PCLO: variants seen among roughly 807,000 people sequenced by gnomAD.
PCLO encodes piccolo presynaptic cytomatrix protein, also known as protein piccolo.
Under a neutral mutation model 427.5 loss-of-function variants are expected in PCLO, and 82 were observed. That is an observed-to-expected ratio of 0.19 (90% CI 0.16 to 0.23). PCLO has a LOEUF of 0.23. Ranked by LOEUF, PCLO falls within the 10% of genes least tolerant of loss-of-function variation. PCLO has a pLI of 1.00. For missense variants in PCLO, 6,239 were observed against 6,115.9 expected, an observed-to-expected ratio of 1.02 and a Z score of -0.67; for synonymous variants, 2,357 against 2,155.4, an observed-to-expected ratio of 1.09 and a Z score of -2.59.
At chr7:82,821,954 T>G in intron 20 of PCLO, 7 of 985,836 alleles carry the variant, frequency 7.1e-6, no homozygotes, top group Non-Finnish European at 8.4e-6. Context: ...GTTAGTGTTT[T>G]AAAGCACTGT....
intron 10 of PCLO, among the ~76,000 whole-genome samples, chr7:82,858,762 G>A (rs1014598047): frequency 6.6e-6 from 1 of 151,924 alleles, no homozygotes; most frequent in Non-Finnish European, 1.5e-5. Context: ...TAGCCAAGAA[G>A]GTGAAAAATC....
At chr7:83,007,667 G>T (rs1415990742) in intron 3 of PCLO, among the ~76,000 whole-genome samples, 1 of 151,508 alleles carries the variant, frequency 6.6e-6, no homozygotes, top group Non-Finnish European at 1.5e-5. Context: ...AGGACATTTA[G>T]GGTAGAATGT....
At chr7:82,993,915 T>C (rs144765764) in intron 3 of PCLO, among the ~76,000 whole-genome samples, 96 of 152,176 alleles carry the variant, frequency 6.3e-4, no homozygotes, top group Non-Finnish European at 1.3e-3. Context: ...ATGAGACTTC[T>C]AACACTATTT....
intron 10 of PCLO, among the ~76,000 whole-genome samples, chr7:82,877,597 T>C (rs1391665903): frequency 6.6e-6 from 1 of 152,178 alleles, no homozygotes; most frequent in Non-Finnish European, 1.5e-5. Context: ...TTTCCTTTCA[T>C]TGAGCTATCT....
intron 3 of PCLO, among the ~76,000 whole-genome samples, chr7:82,980,965 T>G (rs1013880699): frequency 6.6e-6 from 1 of 151,996 alleles, no homozygotes; most frequent in Non-Finnish European, 1.5e-5. Flanking sequence ...ACATAGAAAT[T>G]AAAAAGTAAT....
intron 3 of PCLO, among the ~76,000 whole-genome samples, chr7:83,066,137 T>C (rs929370816): frequency 6.6e-6 from 1 of 152,128 alleles, no homozygotes; most frequent in Non-Finnish European, 1.5e-5. Flanking sequence ...TGCTTTTCTA[T>C]GAAAAGTTAT....
chr7:82,841,444 TA>T lies in PCLO; in HGVS notation c.14097+14del. 2 of 1,578,152 alleles carry T rather than the reference TA, an allele frequency of 1.3e-6. No individual in the cohort carries two copies. Among genetic ancestry groups the T allele is most frequent in the South Asian group, 1.1e-5 (1 of 89,982 alleles). On this transcript the variant is annotated intron_variant, in intron 14 of 24. Transcript: ENST00000333891. ...AAAAGGTTATATAATGGCGACTTTT[TA>T]AAAAACTTCATACCTGAATTTCTCC...
intron 22 of PCLO, among the ~76,000 whole-genome samples, chr7:82,780,423 T>C (rs1180982119): frequency 6.6e-6 from 1 of 152,240 alleles, no homozygotes; most frequent in Non-Finnish European, 1.5e-5. Context: ...TCTTCTGGAT[T>C]GATTGAAGAT....
intron 3 of PCLO, among the ~76,000 whole-genome samples, chr7:83,131,958 T>C (rs1300001994): frequency 6.6e-6 from 1 of 152,160 alleles, no homozygotes; most frequent in East Asian, 1.9e-4. Context: ...TGTTTATATA[T>C]GTATATGTGT....
rs1301761099 is a variant in PCLO, at chr7:82,827,898, A to G, written c.14318T>C (p.Ile4773Thr). 6.3e-7 allele frequency: 1 copy of G among 1,591,568 alleles called. No individual in the cohort carries two copies. The highest frequency in any genetic ancestry group is 8.6e-7 in the Non-Finnish European group (1 of 1,161,172). ...CTGTTCCATGGAAATACTTTTATAAATTACTGTTTGATTCCACTCAGGATT... is the reference window on the plus strand; with the variant it reads ...CTGTTCCATGGAAATACTTTTATAAGTTACTGTTTGATTCCACTCAGGATT... ...SLNPEWNQTV[I>T]YKSISMEQLK... Residue 4773 changes from isoleucine to threonine, a missense_variant, in exon 17 of 25, where the codon ATT becomes ACT. Ile to Thr is a moderately conservative substitution (Grantham distance 89). This residue lies in a region of PCLO where 877 missense variants were observed against 925.5 expected (regional missense o/e 0.95). Coordinates refer to ENST00000333891, the MANE Select transcript of PCLO (RefSeq NM_033026.6).
At chr7:83,019,745 G>T (rs954587362) in intron 3 of PCLO, among the ~76,000 whole-genome samples, 2 of 152,036 alleles carry the variant, frequency 1.3e-5, no homozygotes, top group Admixed American at 6.6e-5. Context: ...TTATCTCTAT[G>T]AAGCACTGTG....
intron 3 of PCLO, among the ~76,000 whole-genome samples, chr7:82,982,938 TAA>T (rs1796177392): frequency 6.6e-6 from 1 of 151,682 alleles, no homozygotes; most frequent in African/African-American, 2.4e-5. Flanking sequence ...TTATTTTATA[TAA>T]AGTTTTTATC....
At chr7:82,798,983 A>G (rs1488216353) in intron 22 of PCLO, among the ~76,000 whole-genome samples, 2 of 152,224 alleles carry the variant, frequency 1.3e-5, no homozygotes, top group African/African-American at 4.8e-5. Context: ...AAATAAAAAT[A>G]AAGTCGCCTC....
intron 10 of PCLO, among the ~76,000 whole-genome samples, chr7:82,878,196 T>C (rs1562832606): frequency 1.3e-5 from 2 of 152,192 alleles, no homozygotes; most frequent in South Asian, 4.1e-4. Flanking sequence ...CTTATTGATG[T>C]GGAGCAACCT....
chr7:82,934,385 T>A (rs1289042020), intron 6 of PCLO, among the ~76,000 whole-genome samples: 1 of 151,908 alleles, frequency 6.6e-6, no homozygotes, highest in Non-Finnish European at 1.5e-5. Context: ...ATACCTCAAA[T>A]AATCTAAATA....
At chr7:83,018,817 G>C (rs565596980) in intron 3 of PCLO, among the ~76,000 whole-genome samples, 391 of 152,108 alleles carry the variant, frequency 2.6e-3, no homozygotes, top group Non-Finnish European at 4.4e-3. Context: ...CATGCACTTA[G>C]TAAAGGATTC....
At chr7:83,086,687 T>C (rs1292554586) in intron 3 of PCLO, among the ~76,000 whole-genome samples, 2 of 152,130 alleles carry the variant, frequency 1.3e-5, no homozygotes, top group Non-Finnish European at 2.9e-5. Flanking sequence ...TGCATCAACA[T>C]ATATTTTCAA....
rs1792250744 is a variant in PCLO, at chr7:83,155,295, A to T, written c.1346T>A (p.Ile449Asn). 2.5e-6 allele frequency: 4 copies of T among 1,613,706 alleles called. No homozygotes were observed. Among genetic ancestry groups the T allele is most frequent in the Non-Finnish European group, 2.5e-6 (3 of 1,179,844 alleles). Residue 449 changes from isoleucine (I) to asparagine (N), a missense_variant, in exon 2 of 25, where the codon ATT becomes AAT. This residue lies in a region of PCLO where 4,677 missense variants were observed against 4,468.4 expected (regional missense o/e 1.05). Transcript: ENST00000333891. ...TCCGGGTCCTGCCTGTTGAGCTGGA[A>T]TCTTTCCTGGCCCAGGCTGCTGAAC... ...TPVQQPGPGKIPAQQAGPGKT... is the reference protein window; with the variant it reads ...TPVQQPGPGKNPAQQAGPGKT...
intron 3 of PCLO, among the ~76,000 whole-genome samples, chr7:83,123,860 G>C (rs1791351368): frequency 6.8e-6 from 1 of 146,952 alleles, no homozygotes; most frequent in South Asian, 2.2e-4. Flanking sequence ...TGGAGTCCGA[G>C]GCCAGTGGAT....
Sources: gnomAD v4.1 joint callset for allele counts (sites outside exome capture counted in the v4.1 genomes callset) on GRCh38, gnomAD v4.1.1 for gene constraint, gnomAD v4.1.1 regional missense constraint, MANE v1.5 for transcripts, NCBI Gene and HGNC (gene_info 2026-07-23, HGNC 2026-07-21) for gene names.